SMAD2: variants seen among roughly 807,000 people sequenced by gnomAD.
The protein encoded by SMAD2 is SMAD family member 2, also known as MAD homolog 2.
In SMAD2, 8 loss-of-function variants were observed where a neutral mutation model predicts 64.4. That is an observed-to-expected ratio of 0.12 (90% CI 0.07 to 0.22). The LOEUF (loss-of-function observed/expected upper bound fraction) is 0.22, where lower values mean the gene tolerates loss of function less well. Ranked by LOEUF, SMAD2 falls within the 10% of genes least tolerant of loss-of-function variation. The pLI is 1.00. For missense variants in SMAD2, 289 were observed against 561.2 expected (o/e 0.51, Z 4.90); for synonymous variants, 203 against 195.8 (o/e 1.04, Z -0.31).
rs797012544 is a variant in SMAD2, at chr18:47,834,773, T to C, written c.*7054A>G. ...AGGTTCTTCTAGCTTTGTCCAGTTA[T>C]ATGGTATTTTACTGTATTCTCTTTT... is the stretch of plus-strand genomic sequence containing the variant. On this transcript the variant is annotated 3_prime_UTR_variant, in exon 11 of 11. Transcript: ENST00000262160. 31 of 220,980 alleles carry C rather than the reference T, an allele frequency of 1.4e-4. No individual in the cohort carries two copies. The highest frequency in any genetic ancestry group is 6.9e-4 in the African/African-American group (31 of 44,782). The allele number at this position is 220,980 out of a possible 1,614,324, so 13.7% of individuals were successfully genotyped here. A position where few individuals can be genotyped will look rare whatever the true frequency, so the allele number is the denominator to read the frequency against.
chr18:47,907,499 A>G lies in SMAD2; in HGVS notation c.-53-10690T>C, dbSNP rs562394711. The stretch of plus-strand genomic sequence containing the variant: ...GACCATCTCAGAGGCACTAAGGAAG[A>G]GAAGTGGAAATGTTTGGACAGAAGC... On this transcript the variant is annotated intron_variant, in intron 1 of 10. Transcript: ENST00000262160. 9.2e-5 allele frequency among the ~76,000 whole-genome samples: 14 copies of G among 152,360 alleles called. No individual in the cohort carries two copies. In the East Asian group the frequency reaches 1.7e-3, roughly 19 times the overall value.
chr18:47,907,168 C>T (rs1444207100), intron 1 of SMAD2, among the ~76,000 whole-genome samples: 1 of 151,902 alleles, frequency 6.6e-6, no homozygotes, highest in African/African-American at 2.4e-5. Flanking sequence ...ATAGATCTAC[C>T]CTGTATCACA....
In SMAD2 at chr18:47,835,221, C is replaced by T. The variant is rs879621642; in HGVS notation, c.*6606G>A. 6 of 219,546 alleles carry T rather than the reference C, an allele frequency of 2.7e-5. No individual in the cohort carries two copies. The Admixed American group carries it at 3.5e-4, about 13-fold the overall frequency. The allele number at this position is 219,546 out of a possible 1,614,324, so 13.6% of individuals were successfully genotyped here. ...AACTGAGGTGTGAGGTTACACTGGT[C>T]TAAGAAAGTACCAATTTGGGTTCTA... On this transcript the variant is annotated 3_prime_UTR_variant, in exon 11 of 11. Coordinates refer to ENST00000262160, the MANE Select transcript of SMAD2 (RefSeq NM_005901.6).
rs1913261036 is a variant in SMAD2, at chr18:47,834,832, CTTTT to C, written c.*6991_*6994del. 9.2e-6 allele frequency: 2 copies of C among 218,372 alleles called. No homozygotes were observed. Among genetic ancestry groups the C allele is most frequent in the Non-Finnish European group, 9.2e-6 (1 of 108,656 alleles). 13.5% of individuals were successfully genotyped at this position (218,372 alleles called of 1,614,324 possible). On this transcript the variant is annotated 3_prime_UTR_variant, in exon 11 of 11. Coordinates refer to ENST00000262160, the MANE Select transcript of SMAD2 (RefSeq NM_005901.6). ...ATCCAGTTTTGTATGTCTTTTCTTTCTTTTTTAGGTGAAAATATTCTATGCCAAC... is the reference window on the plus strand; with the variant it reads ...ATCCAGTTTTGTATGTCTTTTCTTTCTTAGGTGAAAATATTCTATGCCAAC...
At chr18:47,900,618 T>G (rs956198918) in intron 1 of SMAD2, among the ~76,000 whole-genome samples, 1 of 152,172 alleles carries the variant, frequency 6.6e-6, no homozygotes, top group East Asian at 1.9e-4. Flanking sequence ...ATTCACTAAT[T>G]TCTGCTCTTG....
chr18:47,837,701 T>TATGAAAGG lies in SMAD2; in HGVS notation c.*4118_*4125dup, dbSNP rs1913562684. 5 of 232,030 alleles carry TATGAAAGG rather than the reference T, an allele frequency of 2.2e-5. No homozygotes were observed. The Admixed American group carries it at 2.8e-4, about 13-fold the overall frequency. The allele number at this position is 232,030 out of a possible 1,614,324, so 14.4% of individuals were successfully genotyped here. A position where few individuals can be genotyped will look rare whatever the true frequency, so the allele number is the denominator to read the frequency against. ...ATAATAGATTTAGCAAAGTAAAGCA[T>TATGAAAGG]ATGAAAGGAAGAAATGTTTGATATG... On this transcript the variant is annotated 3_prime_UTR_variant, in exon 11 of 11. Coordinates refer to ENST00000262160, the MANE Select transcript of SMAD2 (RefSeq NM_005901.6).
chr18:47,846,176 G>T (rs956860), intron 8 of SMAD2, among the ~76,000 whole-genome samples: 1 of 152,036 alleles, frequency 6.6e-6, no homozygotes, highest in Non-Finnish European at 1.5e-5. Flanking sequence ...GTTTCTTAGA[G>T]ATCCCACTTA....
Position 47,837,287 on chromosome 18 carries a change from G to A in SMAD2, c.*4540C>T, listed in dbSNP as rs1913499943. ...GCAGATAAAAATATGGCTAGGCTGGGCGCGGTGGCTCATGCCTGTAATCCC... is the reference window on the plus strand; with the variant it reads ...GCAGATAAAAATATGGCTAGGCTGGACGCGGTGGCTCATGCCTGTAATCCC... On this transcript the variant is annotated 3_prime_UTR_variant, in exon 11 of 11. Transcript: ENST00000262160. 1 of 194,204 alleles carries A rather than the reference G, an allele frequency of 5.1e-6. No homozygotes were observed. Among genetic ancestry groups the A allele is most frequent in the Admixed American group, 6.1e-5 (1 of 16,376 alleles). The allele number at this position is 194,204 out of a possible 1,614,324, so 12.0% of individuals were successfully genotyped here. A position where few individuals can be genotyped will look rare whatever the true frequency, so the allele number is the denominator to read the frequency against.
At chr18:47,891,496 C>T (rs924899855) in intron 2 of SMAD2, among the ~76,000 whole-genome samples, 27 of 148,566 alleles carry the variant, frequency 1.8e-4, no homozygotes, top group Non-Finnish European at 3.0e-4. Context: ...TATGTACATG[C>T]TACTTTATGT....
In SMAD2 at chr18:47,870,583, A is replaced by G. The variant is rs1331541786; in HGVS notation, c.237-19T>C. The G allele has an allele frequency of 1.3e-6, 2 of 1,528,592 alleles. No individual in the cohort carries two copies. Among genetic ancestry groups the G allele is most frequent in the South Asian group, 1.1e-5 (1 of 89,352 alleles). The allele number at this position is 1,528,592 out of a possible 1,614,324, so 94.7% of individuals were successfully genotyped here. ...GCAAGTGCTGTGCATAAATTGAAAAACAAAAAATTGATGTGAACATGGAAG... is the reference window on the plus strand; with the variant it reads ...GCAAGTGCTGTGCATAAATTGAAAAGCAAAAAATTGATGTGAACATGGAAG... On this transcript the variant is annotated intron_variant, in intron 2 of 10. Transcript: ENST00000262160.
intron 8 of SMAD2, among the ~76,000 whole-genome samples, chr18:47,847,529 T>C (rs1322187359): frequency 6.6e-6 from 1 of 151,460 alleles, no homozygotes; most frequent in Non-Finnish European, 1.5e-5. Flanking sequence ...TTATGGAAAA[T>C]GACCATATTA....
chr18:47,904,236 G>A (rs1299967337), intron 1 of SMAD2, among the ~76,000 whole-genome samples: 1 of 148,930 alleles, frequency 6.7e-6, no homozygotes, highest in Non-Finnish European at 1.5e-5. Context: ...CCTCCCATTT[G>A]GTGGCATCTC....
intron 2 of SMAD2, among the ~76,000 whole-genome samples, chr18:47,885,130 T>TACACACACACAC (rs1221476932): frequency 1.6e-5 from 1 of 64,254 alleles, no homozygotes; most frequent in African/African-American, 7.3e-5. Flanking sequence ...GATTTAGTCA[T>TACACACACACAC]ATACACACAC....
At position 47,840,700 on chromosome 18, in the gene SMAD2, T is replaced by G. The variant is rs1411894757; in HGVS notation, c.*1127A>C. On this transcript the variant is annotated 3_prime_UTR_variant, in exon 11 of 11. Coordinates refer to ENST00000262160, the MANE Select transcript of SMAD2 (RefSeq NM_005901.6). ...CATTTACAAAAGGCCCATTTCATAA[T>G]GCAATCTGGTTACTAAACCAAATCA... 1 of 231,396 alleles carries G rather than the reference T, an allele frequency of 4.3e-6. No individual in the cohort carries two copies. The highest frequency in any genetic ancestry group is 8.6e-6 in the Non-Finnish European group (1 of 116,942). 14.3% of individuals were successfully genotyped at this position (231,396 alleles called of 1,614,324 possible).
chr18:47,919,796 T>C (rs1290693263), intron 1 of SMAD2, among the ~76,000 whole-genome samples: 1 of 148,210 alleles, frequency 6.7e-6, no homozygotes, highest in African/African-American at 2.5e-5. Flanking sequence ...TACCACTCTT[T>C]ACCAATATCT....
intron 2 of SMAD2, among the ~76,000 whole-genome samples, chr18:47,891,670 G>A (rs1232662685): frequency 6.6e-6 from 1 of 151,994 alleles, no homozygotes; most frequent in South Asian, 2.1e-4. Flanking sequence ...GACTACAGGT[G>A]AATGCTGCCA....
chr18:47,911,855 T>C (rs1168924280), intron 1 of SMAD2, among the ~76,000 whole-genome samples: 1 of 152,210 alleles, frequency 6.6e-6, no homozygotes, highest in Non-Finnish European at 1.5e-5. Context: ...ATCAAACGCA[T>C]GTAATCATCT....
intron 6 of SMAD2, among the ~76,000 whole-genome samples, chr18:47,863,706 ATC>A (rs2031356124): frequency 6.6e-6 from 1 of 152,218 alleles, no homozygotes; most frequent in Non-Finnish European, 1.5e-5. Flanking sequence ...TTTGATGGAC[ATC>A]TGAGTTGTTT....
chr18:47,929,122 A>G (rs550120805), intron 1 of SMAD2, among the ~76,000 whole-genome samples: 1 of 152,212 alleles, frequency 6.6e-6, no homozygotes, highest in Non-Finnish European at 1.5e-5. Flanking sequence ...ACTATGGTAC[A>G]TTTATGAAGC....
Sources: gnomAD v4.1 joint callset for allele counts (sites outside exome capture counted in the v4.1 genomes callset) on GRCh38, gnomAD v4.1.1 for gene constraint, MANE v1.5 for transcripts, NCBI Gene and HGNC (gene_info 2026-07-23, HGNC 2026-07-21) for gene names.